SH2D3C: variants seen among roughly 807,000 people sequenced by gnomAD.
SH2D3C encodes the protein SH2 domain containing 3C, also known as SH2 domain-containing protein 3C.
A neutral mutation model predicts 75.2 loss-of-function variants in SH2D3C; 25 were observed. That is an observed-to-expected ratio of 0.33 (90% CI 0.24 to 0.46). The LOEUF is 0.46. Ranked by LOEUF, SH2D3C falls within the 20% of genes least tolerant of loss-of-function variation. The pLI is 1.00. For missense variants in SH2D3C, 933 were observed against 1,165.3 expected (o/e 0.80, Z 2.90); for synonymous variants, 450 against 473.7 (o/e 0.95, Z 0.65).
intron 2 of SH2D3C, among the ~76,000 whole-genome samples, chr9:127,768,271 A>T (rs1309928236): frequency 6.6e-6 from 1 of 152,058 alleles, no homozygotes; most frequent in African/African-American, 2.4e-5. Context: ...GAATTCTTGG[A>T]CCAGAATCAA....
chr9:127,749,525 G>C lies in SH2D3C; in HGVS notation c.825C>G (p.Gly275=). 6.2e-7 allele frequency: 1 copy of C among 1,613,928 alleles called. No individual in the cohort carries two copies. The highest frequency in any genetic ancestry group is 8.5e-7 in the Non-Finnish European group (1 of 1,179,938). ...GGTACTGGATGTGTGTGTAGCTCTCGCCTGCCTTCACCACCACCTTGTTGA... is the reference window on the plus strand; with the variant it reads ...GGTACTGGATGTGTGTGTAGCTCTCCCCTGCCTTCACCACCACCTTGTTGA... ...FKINKVVVKA[G]ESYTHIQYLF... The change falls in exon 5 of 12, where the codon GGC becomes GGG. Residue 275 remains glycine (G), a synonymous_variant. Transcript: ENST00000314830. The surrounding 1 kb of genome is among the most constrained non-coding windows in gnomAD (Gnocchi z 5.9).
chr9:127,753,038 C>T (rs10760495), intron 3 of SH2D3C, among the ~76,000 whole-genome samples: 1 of 151,310 alleles, frequency 6.6e-6, no homozygotes, highest in Non-Finnish European at 1.5e-5. Flanking sequence ...GTCCTACGGG[C>T]AGAGCCAAGG....
At position 127,774,366 on chromosome 9, in the gene SH2D3C, G is replaced by C; in HGVS notation, c.139C>G (p.Pro47Ala). Reference protein sequence around the residue: ...ASISRQSHLEPDTFEATQDDM... With the variant: ...ASISRQSHLEADTFEATQDDM... Reference sequence around the variant, plus strand: ...TCCTGCGTGGCTTCAAAGGTGTCAGGCTCCAAATGGGACTGCCTACTGATG... The same window carrying C: ...TCCTGCGTGGCTTCAAAGGTGTCAGCCTCCAAATGGGACTGCCTACTGATG... The change falls in exon 2 of 12, where the codon CCT becomes GCT. Residue 47 changes from proline (P) to alanine (A), a missense_variant. By Grantham distance (27) the Pro-to-Ala change is conservative. Coordinates refer to ENST00000314830, the MANE Select transcript of SH2D3C (RefSeq NM_170600.3). This position sits in a 1 kb window ranked among gnomAD's most constrained non-coding sequence, Gnocchi z 4.3. The C allele has an allele frequency of 6.2e-7, 1 of 1,613,748 alleles. No homozygotes were observed. The highest frequency in any genetic ancestry group is 8.5e-7 in the Non-Finnish European group (1 of 1,179,750).
chr9:127,760,419 T>C (rs1054505417), intron 3 of SH2D3C, among the ~76,000 whole-genome samples: 30 of 152,176 alleles, frequency 2.0e-4, no homozygotes, highest in Non-Finnish European at 3.1e-4. Context: ...CAAAAGTAAC[T>C]GTGGTTTTCA....
rs776797520 is a variant in SH2D3C at position 127,739,881 on chromosome 9, C to A, written c.2208G>T (p.Pro736=). 4 of 1,526,476 alleles carry A rather than the reference C, an allele frequency of 2.6e-6. No homozygotes were observed. The highest frequency in any genetic ancestry group is 4.1e-5 in the Admixed American group (2 of 48,956). 94.6% of individuals were successfully genotyped at this position (1,526,476 alleles called of 1,614,324 possible). ...LKSLNEGKEG[P]PLSNTTFPHV... is the part of the protein sequence containing the mutation. ...GAGGAAACGTGGTGTTGCTCAGCGG[C>A]GGGCCTTCTGCAAGGAGAAAGGCAG... Residue 736 remains proline (P), a synonymous_variant, in exon 11 of 12, where the codon CCG becomes CCT. Coordinates refer to ENST00000314830, the MANE Select transcript of SH2D3C (RefSeq NM_170600.3). The surrounding 1 kb of genome is among the most constrained non-coding windows in gnomAD (Gnocchi z 4.3).
At chr9:127,777,075 C>T (rs949412811) in intron 1 of SH2D3C, among the ~76,000 whole-genome samples, 1 of 152,172 alleles carries the variant, frequency 6.6e-6, no homozygotes, top group Non-Finnish European at 1.5e-5. Context: ...CTCAATAGCC[C>T]GTGTGACCTC....
At chr9:127,757,979 T>C (rs1260737111) in intron 3 of SH2D3C, among the ~76,000 whole-genome samples, 1 of 151,954 alleles carries the variant, frequency 6.6e-6, no homozygotes, top group East Asian at 1.9e-4. Context: ...GTATTTTTAA[T>C]AGAGGGTTTT....
At chr9:127,773,078 G>A (rs2131810494) in intron 2 of SH2D3C, among the ~76,000 whole-genome samples, 1 of 151,796 alleles carries the variant, frequency 6.6e-6, no homozygotes, top group South Asian at 2.1e-4. Context: ...CCAAAATACT[G>A]GGATTACAGG....
chr9:127,743,749 CTG>C (rs1317700267), intron 7 of SH2D3C, among the ~76,000 whole-genome samples: 3 of 152,178 alleles, frequency 2.0e-5, no homozygotes, highest in East Asian at 1.9e-4. Flanking sequence ...TTCTCCCAAA[CTG>C]TGAAAGGAGA....
At chr9:127,750,626 C>T (rs1226032903) in intron 4 of SH2D3C, among the ~76,000 whole-genome samples, 5 of 152,260 alleles carry the variant, frequency 3.3e-5, no homozygotes, top group African/African-American at 1.2e-4. Flanking sequence ...TCAAGAGAAG[C>T]CACCACCTTT....
chr9:127,749,738 G>T lies in SH2D3C; in HGVS notation c.685-73C>A. ...TCAGACCCAGGATCTGGGGGACAGA[G>T]CAACCCAGGATTAGGGGGCACAGCA... On this transcript the variant is annotated intron_variant, in intron 4 of 11. Transcript: ENST00000314830. This position sits in a 1 kb window ranked among gnomAD's most constrained non-coding sequence, Gnocchi z 5.9. The T allele has an allele frequency of 1.0e-6, 1 of 962,956 alleles. No homozygotes were observed. Among genetic ancestry groups the T allele is most frequent in the Non-Finnish European group, 1.6e-6 (1 of 631,764 alleles). The allele number at this position is 962,956 out of a possible 1,614,324, so 59.7% of individuals were successfully genotyped here.
chr9:127,741,872 G>C lies in SH2D3C; in HGVS notation c.2004C>G (p.Thr668=), dbSNP rs373949529. 8.7e-6 allele frequency: 14 copies of C among 1,613,198 alleles called. No individual in the cohort carries two copies. Among genetic ancestry groups the C allele is most frequent in the African/African-American group, 1.3e-5 (1 of 74,954 alleles). ...CCCGCAGCTCGGCCGCCAGCTGAAT[G>C]GTCTTGTGCAGCAGCGCTGCCCGCT... ...AEERAALLHK[T]IQLAAELRGT... Residue 668 remains threonine, a synonymous_variant, in exon 9 of 12, where the codon ACC becomes ACG. Coordinates refer to ENST00000314830, the MANE Select transcript of SH2D3C (RefSeq NM_170600.3).
At chr9:127,771,424 G>C in intron 2 of SH2D3C, 2 of 1,266,260 alleles carry the variant, frequency 1.6e-6, no homozygotes, top group Non-Finnish European at 2.0e-6. Flanking sequence ...GGCAGGGAAG[G>C]ACGCTCTCCG....
Position 127,749,730 on chromosome 9 carries a change from G to T in SH2D3C, c.685-65C>A. 1 of 1,053,876 alleles carries T rather than the reference G, an allele frequency of 9.5e-7. No individual in the cohort carries two copies. The highest frequency in any genetic ancestry group is 1.4e-5 in the South Asian group (1 of 71,042). 65.3% of individuals were successfully genotyped at this position (1,053,876 alleles called of 1,614,324 possible). A position where few individuals can be genotyped will look rare whatever the true frequency, so the allele number is the denominator to read the frequency against. Reference sequence around the variant, plus strand: ...GGAGAGGGTCAGACCCAGGATCTGGGGGACAGAGCAACCCAGGATTAGGGG... The same window carrying T: ...GGAGAGGGTCAGACCCAGGATCTGGTGGACAGAGCAACCCAGGATTAGGGG... On this transcript the variant is annotated intron_variant, in intron 4 of 11. Coordinates refer to ENST00000314830, the MANE Select transcript of SH2D3C (RefSeq NM_170600.3). This position sits in a 1 kb window ranked among gnomAD's most constrained non-coding sequence, Gnocchi z 5.9.
In SH2D3C at chr9:127,749,085, T is replaced by C. The variant is rs1418152986; in HGVS notation, c.1139+126A>G. On this transcript the variant is annotated intron_variant, in intron 5 of 11. Transcript: ENST00000314830. The surrounding 1 kb of genome is among the most constrained non-coding windows in gnomAD (Gnocchi z 5.9). ...AGAGTATGGCCCAACCTTCCTCCCATTCCTCCCTGCACACAGAGGCTCCAG... is the reference window on the plus strand; with the variant it reads ...AGAGTATGGCCCAACCTTCCTCCCACTCCTCCCTGCACACAGAGGCTCCAG... 1.7e-5 allele frequency: 13 copies of C among 765,284 alleles called. No individual in the cohort carries two copies. The highest frequency in any genetic ancestry group is 2.7e-5 in the Non-Finnish European group (13 of 474,622). The allele number at this position is 765,284 out of a possible 1,614,324, so 47.4% of individuals were successfully genotyped here.
At chr9:127,755,185 G>T in intron 3 of SH2D3C, 3 of 1,210,716 alleles carry the variant, frequency 2.5e-6, no homozygotes, top group Admixed American at 4.4e-5. Flanking sequence ...CCGGGGCCGG[G>T]ACGGTGTGGG....
chr9:127,745,620 T>G (rs1470447214), intron 6 of SH2D3C, among the ~76,000 whole-genome samples: 1 of 151,776 alleles, frequency 6.6e-6, no homozygotes, highest in Non-Finnish European at 1.5e-5. Context: ...TACAGTCATG[T>G]GCCACAACGC....
chr9:127,745,628 C>T (rs1471645684), intron 6 of SH2D3C, among the ~76,000 whole-genome samples: 3 of 151,432 alleles, frequency 2.0e-5, no homozygotes, highest in Admixed American at 1.3e-4. Context: ...TGTGCCACAA[C>T]GCCTGGCTAA....
chr9:127,755,710 A>G (rs1283790748), intron 3 of SH2D3C, among the ~76,000 whole-genome samples: 2 of 152,202 alleles, frequency 1.3e-5, no homozygotes, highest in Non-Finnish European at 2.9e-5. Context: ...TCTGCTGGGA[A>G]TCGAGGATGT....
Sources: allele counts gnomAD v4.1 joint callset (sites outside exome capture counted in the v4.1 genomes callset), GRCh38; gene constraint gnomAD v4.1.1; non-coding constraint Gnocchi (gnomAD v3.1); transcripts MANE v1.5; gene names NCBI Gene and HGNC (gene_info 2026-07-23, HGNC 2026-07-21).